CHODL: variants seen among roughly 807,000 people sequenced by gnomAD.
CHODL encodes chondrolectin.
CHODL carries 29 observed loss-of-function variants against 34.5 expected under a neutral mutation model. The ratio of observed to expected loss-of-function variants is 0.84; its 90% confidence interval spans 0.63 to 1.15. The LOEUF is 1.15. CHODL is among the 50% of genes most tolerant of loss of function. The pLI, the probability that CHODL is intolerant of heterozygous loss-of-function variation, is 0.00. For missense variants in CHODL, 332 were observed against 332.5 expected, an observed-to-expected ratio of 1.00 and a Z score of 0.01; for synonymous variants, 125 against 116.1, an observed-to-expected ratio of 1.08 and a Z score of -0.49.
At chr21:17,985,676 C>T (rs158006) in intron 1 of CHODL, among the ~76,000 whole-genome samples, 49,928 of 152,058 alleles carry the variant, frequency 0.33, 8,798 homozygotes, top group East Asian at 0.62. Flanking sequence ...ACTTGTCTCC[C>T]AGGAGAAGCT....
chr21:18,245,045 G>A lies in CHODL; in HGVS notation c.-179G>A, dbSNP rs930300881. 9.9e-6 allele frequency: 5 copies of A among 504,132 alleles called. No homozygotes were observed. Among genetic ancestry groups the A allele is most frequent in the African/African-American group, 2.0e-5 (1 of 49,046 alleles). The allele number at this position is 504,132 out of a possible 1,614,324, so 31.2% of individuals were successfully genotyped here. A position where few individuals can be genotyped will look rare whatever the true frequency, so the allele number is the denominator to read the frequency against. ...GCACATCCACGCGCGGCACAGGCGC[G>A]GCAGGCGGCAGGTCCCGGCCGAAGG... On this transcript the variant is annotated 5_prime_UTR_variant, in exon 1 of 6. Transcript: ENST00000299295.
intron 2 of CHODL, among the ~76,000 whole-genome samples, chr21:18,080,065 C>T (rs1380593038): frequency 4.6e-5 from 7 of 151,968 alleles, no homozygotes; most frequent in Admixed American, 1.3e-4. Context: ...GTGGTTTTGA[C>T]TTGCATTTCT....
intron 2 of CHODL, among the ~76,000 whole-genome samples, chr21:18,152,653 C>T (rs1209710656): frequency 6.6e-6 from 1 of 152,198 alleles, no homozygotes; most frequent in South Asian, 2.1e-4. Context: ...TCAAAGCCAA[C>T]AGGAAAATCC....
At chr21:17,980,019 A>G (rs901968341) in intron 1 of CHODL, among the ~76,000 whole-genome samples, 1 of 151,980 alleles carries the variant, frequency 6.6e-6, no homozygotes, top group Non-Finnish European at 1.5e-5. Flanking sequence ...GACATAAATT[A>G]AAAGTGAGCA....
intron 2 of CHODL, among the ~76,000 whole-genome samples, chr21:18,157,397 A>G (rs2824665): frequency 0.11 from 16,789 of 152,306 alleles, 1,451 homozygotes; most frequent in African/African-American, 0.24. Flanking sequence ...ATGAGATTAC[A>G]TATTCTGATA....
chr21:18,159,429 T>C (rs966997287), intron 2 of CHODL, among the ~76,000 whole-genome samples: 1 of 152,188 alleles, frequency 6.6e-6, no homozygotes, highest in Admixed American at 6.5e-5. Flanking sequence ...TTTCTAAAGA[T>C]GCGGTATTAA....
intron 1 of CHODL, among the ~76,000 whole-genome samples, chr21:18,012,777 C>T (rs1401700131): frequency 2.6e-5 from 4 of 152,082 alleles, no homozygotes; most frequent in East Asian, 3.8e-4. Context: ...GAAGAGAATT[C>T]GTGAACATGG....
At chr21:18,194,694 A>G (rs924945145) in intron 2 of CHODL, among the ~76,000 whole-genome samples, 1 of 152,114 alleles carries the variant, frequency 6.6e-6, no homozygotes, top group African/African-American at 2.4e-5. Context: ...ACATAGGTAT[A>G]CATTGAAATA....
chr21:17,930,205 C>A (rs1488468199), intron 1 of CHODL, among the ~76,000 whole-genome samples: 1 of 152,052 alleles, frequency 6.6e-6, no homozygotes, highest in East Asian at 1.9e-4. Context: ...GCCAAAGGCC[C>A]CACAGCTGTT....
At chr21:18,183,207 A>C (rs1435256793) in intron 2 of CHODL, among the ~76,000 whole-genome samples, 1 of 152,132 alleles carries the variant, frequency 6.6e-6, no homozygotes, top group Non-Finnish European at 1.5e-5. Flanking sequence ...TGGCCCCTAA[A>C]ATACTTGTTT....
chr21:18,159,042 C>G (rs945925912), intron 2 of CHODL, among the ~76,000 whole-genome samples: 1 of 152,126 alleles, frequency 6.6e-6, no homozygotes, highest in Non-Finnish European at 1.5e-5. Flanking sequence ...ATTAACCAGA[C>G]AGTTAATACA....
At chr21:17,952,071 C>T (rs1160811216) in intron 1 of CHODL, among the ~76,000 whole-genome samples, 1 of 151,410 alleles carries the variant, frequency 6.6e-6, no homozygotes, top group African/African-American at 2.4e-5. Flanking sequence ...CCATCTCTAG[C>T]CAGGCACATG....
rs562950927 is a variant in CHODL, at chr21:18,071,387, C to T, written c.-45+43416C>T. ...GTCTCGAACCCCTGACCTCATGATC[C>T]GCCCACCTCAGCCTCCCAAAGTGCT... On this transcript the variant is annotated intron_variant, in intron 2 of 6. Transcript: ENST00000400127. Among the ~76,000 whole-genome samples the T allele has an allele frequency of 9.9e-5, 15 of 152,034 alleles. No individual in the cohort carries two copies. In the South Asian group the frequency reaches 2.9e-3, roughly 30 times the overall value.
chr21:18,248,692 T>C (rs2074180542), intron 1 of CHODL, among the ~76,000 whole-genome samples: 1 of 121,764 alleles, frequency 8.2e-6, no homozygotes, highest in African/African-American at 3.4e-5. Flanking sequence ...ATATATTATA[T>C]ACATATATAT....
At chr21:18,214,311 G>A (rs919675795) in intron 2 of CHODL, among the ~76,000 whole-genome samples, 4 of 151,876 alleles carry the variant, frequency 2.6e-5, no homozygotes, top group African/African-American at 4.8e-5. Flanking sequence ...GACCTTTCTC[G>A]TTACTTTAAG....
At chr21:18,242,647 G>T (rs1202490896), upstream of CHODL, among the ~76,000 whole-genome samples, 1 of 152,164 alleles carries the variant, frequency 6.6e-6, no homozygotes, top group African/African-American at 2.4e-5. Context: ...GAACCTGTAA[G>T]AATTTATTTT....
intron 2 of CHODL, among the ~76,000 whole-genome samples, chr21:18,157,680 A>G (rs965239240): frequency 6.6e-6 from 1 of 152,228 alleles, no homozygotes; most frequent in Admixed American, 6.5e-5. Context: ...ATAACATCCA[A>G]TGTTTACACA....
intron 2 of CHODL, among the ~76,000 whole-genome samples, chr21:18,122,426 G>A (rs1022311682): frequency 3.3e-5 from 5 of 152,132 alleles, no homozygotes; most frequent in African/African-American, 9.7e-5. Flanking sequence ...GGGAAAGTTA[G>A]CATATTGTTG....
chr21:18,150,289 T>G (rs752477525), intron 2 of CHODL, among the ~76,000 whole-genome samples: 2 of 152,148 alleles, frequency 1.3e-5, no homozygotes, highest in Non-Finnish European at 2.9e-5. Flanking sequence ...CTTAACAGGC[T>G]AAGGTCTGTG....
Sources: allele counts gnomAD v4.1 joint callset (sites outside exome capture counted in the v4.1 genomes callset), GRCh38; gene constraint gnomAD v4.1.1; transcripts MANE v1.5; gene names NCBI Gene and HGNC (gene_info 2026-07-23, HGNC 2026-07-21).